PALM2AKAP2: variants seen among roughly 807,000 people sequenced by gnomAD.
PALM2AKAP2 encodes PALM2-AKAP2 fusion protein.
In PALM2AKAP2, 37 loss-of-function variants were observed where a neutral mutation model predicts 71.5. That is an observed-to-expected ratio of 0.52 (90% confidence interval 0.40 to 0.68). PALM2AKAP2 has a LOEUF of 0.68. Ranked by LOEUF, PALM2AKAP2 falls within the 30% of genes least tolerant of loss-of-function variation. The probability of loss-of-function intolerance (pLI) is 0.00; values close to 1 mark genes in which losing one functional copy is unlikely to be tolerated. For synonymous variants in PALM2AKAP2, 468 were observed against 478.8 expected (o/e 0.98, Z 0.29); for missense variants, 1,224 against 1,191.8 (o/e 1.03, Z -0.40).
intron 1 of PALM2AKAP2, among the ~76,000 whole-genome samples, chr9:110,107,484 T>C (rs2118912689): frequency 6.6e-6 from 1 of 152,364 alleles, no homozygotes; most frequent in Admixed American, 6.5e-5. Flanking sequence ...TCTAAACAAG[T>C]ATCTTTTACT....
intron 3 of PALM2AKAP2, among the ~76,000 whole-genome samples, chr9:109,890,990 C>T (rs1390166019): frequency 2.0e-5 from 3 of 152,154 alleles, no homozygotes; most frequent in Non-Finnish European, 4.4e-5. Context: ...ATCTGAATAC[C>T]GCCCAGTGCA....
At chr9:110,164,611 G>A (rs892697894) in intron 3 of PALM2AKAP2, among the ~76,000 whole-genome samples, 1 of 148,944 alleles carries the variant, frequency 6.7e-6, no homozygotes, top group Admixed American at 6.8e-5. Context: ...GCTCACTGCA[G>A]CCTCTGCCTC....
chr9:110,063,521 ACT>A (rs972620060), intron 1 of PALM2AKAP2, among the ~76,000 whole-genome samples: 4 of 150,130 alleles, frequency 2.7e-5, no homozygotes, highest in Admixed American at 2.7e-4. Flanking sequence ...CTCACTGCAA[ACT>A]CTGCCTCCCA....
chr9:109,689,003 G>A (rs545019638), intron 1 of PALM2AKAP2, among the ~76,000 whole-genome samples: 5 of 152,144 alleles, frequency 3.3e-5, no homozygotes, highest in Admixed American at 6.6e-5. Flanking sequence ...TCCATACTTC[G>A]CCACCATCAG....
chr9:109,986,331 T>A (rs1832378646), intron 6 of PALM2AKAP2, among the ~76,000 whole-genome samples: 1 of 152,260 alleles, frequency 6.6e-6, no homozygotes. Context: ...TTCTGATCTG[T>A]CTTAATTTAG....
chr9:109,760,580 A>G (rs1829034935), intron 1 of PALM2AKAP2: 2 of 152,168 alleles, frequency 1.3e-5, no homozygotes, highest in Admixed American at 1.3e-4. Context: ...TTTGAAGGAC[A>G]TTGTTTTGTG....
At chr9:110,001,477 G>A (rs1250117449) in intron 6 of PALM2AKAP2, among the ~76,000 whole-genome samples, 1 of 152,212 alleles carries the variant, frequency 6.6e-6, no homozygotes, top group African/African-American at 2.4e-5. Flanking sequence ...TTTTGGCTTA[G>A]GATTGACTTG....
intron 1 of PALM2AKAP2, among the ~76,000 whole-genome samples, chr9:109,803,536 C>G (rs896621480): frequency 3.9e-5 from 6 of 152,146 alleles, no homozygotes; most frequent in South Asian, 2.1e-4. Flanking sequence ...TATATTCCCC[C>G]CTGAGATGCT....
intron 3 of PALM2AKAP2, among the ~76,000 whole-genome samples, chr9:109,893,468 C>T (rs1055876792): frequency 1.7e-5 from 2 of 115,940 alleles, no homozygotes; most frequent in African/African-American, 6.8e-5. Flanking sequence ...GTTTTTGAGA[C>T]AGTCTCACTC....
At chr9:110,113,054 T>C (rs575334050) in intron 1 of PALM2AKAP2, among the ~76,000 whole-genome samples, 313 of 152,342 alleles carry the variant, frequency 2.1e-3, no homozygotes, top group Non-Finnish European at 3.8e-3. Context: ...TGACAGGCTT[T>C]GTAACCTGGC....
At chr9:110,071,248 G>A (rs1834202909) in intron 1 of PALM2AKAP2, among the ~76,000 whole-genome samples, 1 of 151,190 alleles carries the variant, frequency 6.6e-6, no homozygotes, top group Admixed American at 6.6e-5. Context: ...ATTTCATGTA[G>A]TTGAACTCAA....
chr9:109,744,268 T>C (rs1329217282), intron 1 of PALM2AKAP2, among the ~76,000 whole-genome samples: 1 of 152,170 alleles, frequency 6.6e-6, no homozygotes. Flanking sequence ...CTCAAAATTA[T>C]AGGTATTTTG....
chr9:110,032,409 A>C (rs12003963), intron 7 of PALM2AKAP2, among the ~76,000 whole-genome samples: 2,585 of 151,670 alleles, frequency 0.017, 87 homozygotes, highest in African/African-American at 0.059. Context: ...AAGAAAAAAA[A>C]CCGCCGGGTG....
intron 6 of PALM2AKAP2, among the ~76,000 whole-genome samples, chr9:109,994,009 T>C (rs185058590): frequency 6.6e-6 from 1 of 152,130 alleles, no homozygotes; most frequent in African/African-American, 2.4e-5. Flanking sequence ...AATTCAGTAT[T>C]ATAAATACCT....
rs141985350 is a variant in PALM2AKAP2, at chr9:109,699,209, C to G, written c.5+58343C>G. ...CAAGATACCATTTTCACCCACTGAA[C>G]TGGCAAAATGTTGTAACTGTATTAC... On this transcript the variant is annotated intron_variant, in intron 1 of 6. Coordinates refer to the PALM2AKAP2 transcript ENST00000374531. 3.2e-3 allele frequency among the ~76,000 whole-genome samples: 480 copies of G among 152,288 alleles called. 1 individual carries two copies. Among genetic ancestry groups the G allele is most frequent in the Non-Finnish European group, 5.3e-3 (361 of 68,024 alleles).
At chr9:110,050,326 C>T (rs1833685148) in intron 1 of PALM2AKAP2, among the ~76,000 whole-genome samples, 1 of 152,154 alleles carries the variant, frequency 6.6e-6, no homozygotes, top group Non-Finnish European at 1.5e-5. Context: ...AGGGAATTTG[C>T]TTCCTTGTCT....
At chr9:109,838,807 C>A (rs1221305635) in intron 1 of PALM2AKAP2, among the ~76,000 whole-genome samples, 1 of 152,138 alleles carries the variant, frequency 6.6e-6, no homozygotes, top group Non-Finnish European at 1.5e-5. Flanking sequence ...GGCACATACA[C>A]CCTTGCAAGA....
chr9:109,787,480 A>G lies in PALM2AKAP2; in HGVS notation c.45+6947A>G, dbSNP rs186680060. Among the ~76,000 whole-genome samples, 11 of 152,352 alleles carry G rather than the reference A, an allele frequency of 7.2e-5. No homozygotes were observed. In the East Asian group the frequency reaches 1.9e-3, roughly 27 times the overall value. The stretch of plus-strand genomic sequence containing the variant: ...TAAATGTTGTAACTCCTGAGTTTTC[A>G]ATGCATGAAGATAGTATTAATAATA... On this transcript the variant is annotated intron_variant, in intron 1 of 9. Transcript: ENST00000302798.
intron 1 of PALM2AKAP2, among the ~76,000 whole-genome samples, chr9:109,721,973 G>C (rs146627862): frequency 8.7e-4 from 132 of 152,264 alleles, no homozygotes; most frequent in African/African-American, 3.0e-3. Context: ...CCCTATTACA[G>C]ACTGGAACCC....
Sources: gnomAD v4.1 joint callset for allele counts (sites outside exome capture counted in the v4.1 genomes callset) on GRCh38, gnomAD v4.1.1 for gene constraint, MANE v1.5 for transcripts, NCBI Gene and HGNC (gene_info 2026-07-23, HGNC 2026-07-21) for gene names.